SLC35F1: variants seen among roughly 807,000 people sequenced by gnomAD.
SLC35F1 encodes the protein chromosome 6 open reading frame 169.
Under a neutral mutation model 48.7 loss-of-function variants are expected in SLC35F1, and 14 were observed. The observed-to-expected ratio is 0.29, with a 90% CI of 0.19 to 0.45. The LOEUF (loss-of-function observed/expected upper bound fraction) is 0.45. Among genes scored for constraint, SLC35F1 ranks in the 20% least tolerant of loss-of-function variants. The pLI is 1.00. For missense variants in SLC35F1, 404 were observed against 500.0 expected (o/e 0.81, Z 1.83); for synonymous variants, 190 against 202.2 (o/e 0.94, Z 0.51).
intron 2 of SLC35F1, among the ~76,000 whole-genome samples, chr6:118,169,147 C>A (rs959243296): frequency 3.3e-5 from 5 of 152,180 alleles, no homozygotes; most frequent in African/African-American, 9.6e-5. Context: ...GCAATATGCA[C>A]AATTTCCACT....
Position 118,231,829 on chromosome 6 carries a change from C to T in SLC35F1, c.350-3680C>T, listed in dbSNP as rs546447932. 3.9e-5 allele frequency among the ~76,000 whole-genome samples: 6 copies of T among 152,302 alleles called. No homozygotes were observed. In the South Asian group the frequency reaches 1.0e-3, roughly 26 times the overall value. ...GCTCTGAGTCTGGCAATTCTGTGTT[C>T]ACTGTGTAAATTAACTGGGACAAGG... is the stretch of plus-strand genomic sequence containing the variant. On this transcript the variant is annotated intron_variant, in intron 2 of 7. Coordinates refer to ENST00000360388, the MANE Select transcript of SLC35F1 (RefSeq NM_001029858.4).
intron 2 of SLC35F1, among the ~76,000 whole-genome samples, chr6:118,226,720 G>A (rs1446769553): frequency 6.6e-6 from 1 of 152,130 alleles, no homozygotes; most frequent in Non-Finnish European, 1.5e-5. Flanking sequence ...AGAGAGGAGT[G>A]GTAGGGGATG....
intron 2 of SLC35F1, among the ~76,000 whole-genome samples, chr6:118,201,666 G>A (rs1276267098): frequency 6.6e-6 from 1 of 152,106 alleles, no homozygotes; most frequent in African/African-American, 2.4e-5. Flanking sequence ...ATATAATTCG[G>A]TGGGTTTTAG....
At chr6:117,995,569 C>T (rs969905177) in intron 1 of SLC35F1, among the ~76,000 whole-genome samples, 3 of 151,952 alleles carry the variant, frequency 2.0e-5, no homozygotes, top group African/African-American at 4.8e-5. Context: ...GGTGAAACCC[C>T]GTCTCTACTA....
intron 1 of SLC35F1, among the ~76,000 whole-genome samples, chr6:118,037,904 C>T (rs998738324): frequency 6.6e-6 from 1 of 152,092 alleles, no homozygotes; most frequent in African/African-American, 2.4e-5. Flanking sequence ...ACCATTAGGA[C>T]AAATACCTAA....
chr6:118,076,531 G>A (rs766422684), intron 1 of SLC35F1, among the ~76,000 whole-genome samples: 5 of 152,116 alleles, frequency 3.3e-5, no homozygotes, highest in Non-Finnish European at 7.4e-5. Flanking sequence ...CGAGAGAGAC[G>A]GAGAGAGAAG....
chr6:118,035,110 A>G (rs1467843019), intron 1 of SLC35F1, among the ~76,000 whole-genome samples: 1 of 152,104 alleles, frequency 6.6e-6, no homozygotes, highest in Non-Finnish European at 1.5e-5. Context: ...AATTTTGCTG[A>G]GTTTTATTTT....
At chr6:118,065,752 AATG>A (rs1384477180) in intron 1 of SLC35F1, among the ~76,000 whole-genome samples, 1 of 152,214 alleles carries the variant, frequency 6.6e-6, no homozygotes, top group East Asian at 1.9e-4. Flanking sequence ...AAGATTAGGT[AATG>A]ATCTGTCACC....
chr6:118,076,443 G>T (rs1772819263), intron 1 of SLC35F1, among the ~76,000 whole-genome samples: 2 of 152,120 alleles, frequency 1.3e-5, no homozygotes, highest in South Asian at 4.1e-4. Flanking sequence ...CGTACAGGAG[G>T]CATGGCTGGG....
At chr6:118,059,033 T>A (rs9374705) in intron 1 of SLC35F1, among the ~76,000 whole-genome samples, 1 of 152,192 alleles carries the variant, frequency 6.6e-6, no homozygotes, top group Non-Finnish European at 1.5e-5. Context: ...TTTAATTAGT[T>A]ATTCAGGATA....
At chr6:118,046,667 G>T (rs1450465427) in intron 1 of SLC35F1, among the ~76,000 whole-genome samples, 2 of 152,130 alleles carry the variant, frequency 1.3e-5, no homozygotes, top group African/African-American at 4.8e-5. Context: ...TAGCTCCTAG[G>T]ATAGTGTCTG....
intron 1 of SLC35F1, among the ~76,000 whole-genome samples, chr6:117,962,841 C>A (rs1776516411): frequency 6.6e-6 from 1 of 152,142 alleles, no homozygotes; most frequent in Admixed American, 6.5e-5. Context: ...GTTGCTCTGC[C>A]CACTTGCATA....
intron 1 of SLC35F1, among the ~76,000 whole-genome samples, chr6:118,139,703 C>G (rs1380094215): frequency 6.6e-6 from 1 of 152,176 alleles, no homozygotes; most frequent in African/African-American, 2.4e-5. Flanking sequence ...TGTCTTTTCC[C>G]TGTGTTTTCT....
chr6:118,117,814 A>G (rs1229956490), intron 1 of SLC35F1, among the ~76,000 whole-genome samples: 1 of 152,164 alleles, frequency 6.6e-6, no homozygotes, highest in Non-Finnish European at 1.5e-5. Context: ...AGAATGTTAT[A>G]TAAATGAAGT....
chr6:117,961,902 T>C (rs1776502986), intron 1 of SLC35F1, among the ~76,000 whole-genome samples: 1 of 152,200 alleles, frequency 6.6e-6, no homozygotes, highest in African/African-American at 2.4e-5. Context: ...CATAAATATA[T>C]GTGGAGAAAA....
At chr6:118,155,481 C>T (rs1196062987) in intron 2 of SLC35F1, among the ~76,000 whole-genome samples, 1 of 152,216 alleles carries the variant, frequency 6.6e-6, no homozygotes, top group Non-Finnish European at 1.5e-5. Flanking sequence ...CTCCTGCTCT[C>T]TCATGTGTGC....
chr6:118,047,926 G>A (rs931305658), intron 1 of SLC35F1, among the ~76,000 whole-genome samples: 21 of 152,278 alleles, frequency 1.4e-4, no homozygotes, highest in Middle Eastern at 3.4e-3. Flanking sequence ...ATGTTGAATA[G>A]GAGTGGTGAG....
intron 3 of SLC35F1, among the ~76,000 whole-genome samples, chr6:118,241,359 T>C (rs535441860): frequency 7.2e-5 from 11 of 152,330 alleles, no homozygotes; most frequent in Admixed American, 2.6e-4. Context: ...ACCACACTTA[T>C]GGTTAAATGT....
chr6:118,068,819 A>G (rs1369294629), intron 1 of SLC35F1, among the ~76,000 whole-genome samples: 4 of 152,172 alleles, frequency 2.6e-5, no homozygotes, highest in African/African-American at 9.7e-5. Context: ...TCACTTTTTC[A>G]TTCTATACCA....
Sources: gnomAD v4.1 joint callset for allele counts (sites outside exome capture counted in the v4.1 genomes callset) on GRCh38, gnomAD v4.1.1 for gene constraint, MANE v1.5 for transcripts, NCBI Gene and HGNC (gene_info 2026-07-23, HGNC 2026-07-21) for gene names.